MTUS1: variants seen among roughly 807,000 people sequenced by gnomAD.
The protein encoded by MTUS1 is microtubule associated scaffold protein 1.
MTUS1 carries 109 observed loss-of-function variants against 120.8 expected under a neutral mutation model. That is an observed-to-expected ratio of 0.90 (90% confidence interval 0.77 to 1.06). The LOEUF (loss-of-function observed/expected upper bound fraction) is 1.06, where lower values mean the gene tolerates loss of function less well. MTUS1 is among the 50% of genes least tolerant of loss of function. The pLI, the probability that MTUS1 is intolerant of heterozygous loss-of-function variation, is 0.00. For synonymous variants in MTUS1, 737 were observed against 550.5 expected, an observed-to-expected ratio of 1.34 and a Z score of -4.74; for missense variants, 2,210 against 1,486.3, an observed-to-expected ratio of 1.49 and a Z score of -8.01.
At chr8:17,653,366 C>T in intron 11 of MTUS1, 59 bp downstream of exon 11, 2 of 1,538,364 alleles carry the variant, frequency 1.3e-6, no homozygotes, top group South Asian at 1.2e-5. Context: ...TAAAACCAAA[C>T]AAAATCAAAA....
intron 4 of MTUS1, among the ~76,000 whole-genome samples, chr8:17,716,881 C>A (rs1822450842): frequency 6.6e-6 from 1 of 152,170 alleles, no homozygotes; most frequent in South Asian, 2.1e-4. Context: ...TGATCAATAT[C>A]CAATTCTAGG....
intron 5 of MTUS1, among the ~76,000 whole-genome samples, chr8:17,713,701 C>A (rs920884756): frequency 3.9e-5 from 6 of 152,096 alleles, no homozygotes; most frequent in African/African-American, 1.4e-4. Context: ...AGTTTTTCCT[C>A]CAAACTGATA....
At position 17,727,802 on chromosome 8, in the gene MTUS1, T is replaced by C. The variant is rs116405169; in HGVS notation, c.2288-3969A>G. 3.5e-3 allele frequency among the ~76,000 whole-genome samples: 528 copies of C among 152,346 alleles called. 4 individuals are homozygous for C. Among genetic ancestry groups the C allele is most frequent in the African/African-American group, 0.012 (510 of 41,582 alleles). ...TTATTTTAAGCTCGTGCACTTAGCATAGACTTACGTATAGACAACAGATTG... is the reference window on the plus strand; with the variant it reads ...TTATTTTAAGCTCGTGCACTTAGCACAGACTTACGTATAGACAACAGATTG... On this transcript the variant is annotated intron_variant, in intron 3 of 14. Coordinates refer to ENST00000693296, the MANE Select transcript of MTUS1 (RefSeq NM_001363059.2).
At chr8:17,766,198 C>G (rs10503604) in intron 1 of MTUS1, among the ~76,000 whole-genome samples, 1,657 of 152,118 alleles carry the variant, frequency 0.011, 32 homozygotes, top group African/African-American at 0.037. Context: ...ACGGTATTAG[C>G]AAAAACAAGT....
intron 13 of MTUS1, among the ~76,000 whole-genome samples, chr8:17,647,951 C>T (rs1010840743): frequency 6.6e-6 from 1 of 152,136 alleles, no homozygotes; most frequent in Non-Finnish European, 1.5e-5. Context: ...CTTAAGACAT[C>T]CTGTTATCCA....
At chr8:17,687,485 G>C (rs947577967) in intron 6 of MTUS1, among the ~76,000 whole-genome samples, 28 of 152,084 alleles carry the variant, frequency 1.8e-4, no homozygotes, top group Non-Finnish European at 1.2e-4. Context: ...CCTTACCCTT[G>C]CTTATTAGCA....
At chr8:17,679,017 A>T in intron 7 of MTUS1, among the ~76,000 whole-genome samples, 1 of 152,198 alleles carries the variant, frequency 6.6e-6, no homozygotes, top group East Asian at 1.9e-4. Context: ...TCTCAGATTC[A>T]TGAGATATAA....
intron 1 of MTUS1, among the ~76,000 whole-genome samples, chr8:17,771,052 T>C (rs1018667647): frequency 6.6e-6 from 1 of 152,210 alleles, no homozygotes; most frequent in Non-Finnish European, 1.5e-5. Flanking sequence ...AATTTAGATG[T>C]AAGGAATAAC....
chr8:17,760,497 T>A (rs2048960182), intron 1 of MTUS1, among the ~76,000 whole-genome samples: 1 of 152,104 alleles, frequency 6.6e-6, no homozygotes, highest in Non-Finnish European at 1.5e-5. Flanking sequence ...ACCACCACCA[T>A]GAAGACAAAG....
chr8:17,682,227 T>C (rs1420179482), intron 7 of MTUS1, among the ~76,000 whole-genome samples: 5 of 151,966 alleles, frequency 3.3e-5, no homozygotes, highest in Non-Finnish European at 7.4e-5. Context: ...AAAAAGGTGC[T>C]ATCACAGGTT....
intron 3 of MTUS1, among the ~76,000 whole-genome samples, chr8:17,742,291 G>GTTTTTTTTTTTTTTTTTTTTT (rs1237059839): frequency 1.1e-5 from 1 of 94,700 alleles, no homozygotes; most frequent in African/African-American, 4.3e-5. Context: ...TGTTGTTGTT[G>GTTTTTTTTTTTTTTTTTTTTT]TTTTTTTTTT....
intron 6 of MTUS1, among the ~76,000 whole-genome samples, chr8:17,696,212 C>G (rs1336531291): frequency 6.6e-6 from 1 of 151,962 alleles, no homozygotes; most frequent in Non-Finnish European, 1.5e-5. Flanking sequence ...GAGAGGCTGG[C>G]AAAATCAAAT....
intron 8 of MTUS1, among the ~76,000 whole-genome samples, chr8:17,671,023 T>G (rs986243297): frequency 6.6e-6 from 1 of 152,110 alleles, no homozygotes; most frequent in African/African-American, 2.4e-5. Context: ...ATGAGGGAAT[T>G]TACTGGATTG....
chr8:17,728,178 A>C (rs975361958), intron 3 of MTUS1, among the ~76,000 whole-genome samples: 2 of 152,182 alleles, frequency 1.3e-5, no homozygotes, highest in African/African-American at 4.8e-5. Context: ...CAATGGGTAG[A>C]AAGTTCCAGT....
rs887666664 is a variant in MTUS1, at chr8:17,674,850, TG to T, written c.2905+335del. ...AGGGGAAACTTTCACTATTCTCATA[TG>T]AAAAGTGCTTCAGAAAAAAAAATGA... On this transcript the variant is annotated intron_variant, in intron 8 of 14. Transcript: ENST00000693296. The T allele has an allele frequency of 5.4e-6, 6 of 1,115,344 alleles. No individual in the cohort carries two copies. The Admixed American group carries it at 1.4e-4, about 26-fold the overall frequency. 69.1% of individuals were successfully genotyped at this position (1,115,344 alleles called of 1,614,324 possible).
At chr8:17,679,695 GT>G (rs1813931533) in intron 7 of MTUS1, among the ~76,000 whole-genome samples, 2 of 151,812 alleles carry the variant, frequency 1.3e-5, no homozygotes, top group Admixed American at 1.3e-4. Context: ...TAGAGACAGG[GT>G]TTCGCCATGT....
intron 7 of MTUS1, among the ~76,000 whole-genome samples, chr8:17,680,770 T>G (rs1033728100): frequency 2.0e-5 from 3 of 152,010 alleles, no homozygotes; most frequent in Admixed American, 1.3e-4. Flanking sequence ...CTTTAAACAC[T>G]AAGATAGCAG....
intron 6 of MTUS1, among the ~76,000 whole-genome samples, chr8:17,690,402 G>A (rs1816717539): frequency 6.6e-6 from 1 of 152,180 alleles, no homozygotes; most frequent in South Asian, 2.1e-4. Context: ...TGGCAAAGAT[G>A]TGGAGAGAAG....
At chr8:17,728,070 C>G (rs1334413699) in intron 3 of MTUS1, among the ~76,000 whole-genome samples, 5 of 152,172 alleles carry the variant, frequency 3.3e-5, no homozygotes, top group African/African-American at 1.2e-4. Flanking sequence ...AAGTGAACAA[C>G]AGGATAGTGT....
Sources: allele counts gnomAD v4.1 joint callset (sites outside exome capture counted in the v4.1 genomes callset), GRCh38; gene constraint gnomAD v4.1.1; transcripts MANE v1.5; gene names NCBI Gene and HGNC (gene_info 2026-07-23, HGNC 2026-07-21).